The following NECTIN3 variants were observed in gnomAD, a reference collection of about 807,000 sequenced individuals.
NECTIN3 encodes nectin cell adhesion molecule 3.
A neutral mutation model predicts 49.4 loss-of-function variants in NECTIN3; 8 were observed. The ratio of observed to expected loss-of-function variants is 0.16; its 90% CI spans 0.10 to 0.29. NECTIN3 has a LOEUF of 0.29. NECTIN3 is among the 10% of genes least tolerant of loss of function. The pLI is 1.00. For missense variants in NECTIN3, 581 were observed against 654.6 expected, an observed-to-expected ratio of 0.89 and a Z score of 1.23; for synonymous variants, 277 against 241.1, an observed-to-expected ratio of 1.15 and a Z score of -1.38.
chr3:111,122,153 G>A lies in NECTIN3; in HGVS notation c.832G>A (p.Gly278Arg), dbSNP rs2033984014. The A allele has an allele frequency of 6.2e-7, 1 of 1,613,016 alleles. No individual in the cohort carries two copies. Among genetic ancestry groups the A allele is most frequent in the Non-Finnish European group, 8.5e-7 (1 of 1,179,338 alleles). ...APEVSVTGYD[G>R]NWFVGRKGVN... Reference sequence around the variant, plus strand: ...TGAAGTTTCGGTAACAGGATATGATGGAAATTGGTTTGTAGGAAGAAAAGG... The same window carrying A: ...TGAAGTTTCGGTAACAGGATATGATAGAAATTGGTTTGTAGGAAGAAAAGG... The change falls in exon 4 of 6, where the codon GGA becomes AGA. Residue 278 changes from glycine (G) to arginine (R), a missense_variant. Around this residue, in one of 3 missense-constraint regions of NECTIN3, gnomAD observed 234 missense variants for 340.6 expected, o/e 0.69. Transcript: ENST00000485303.
chr3:111,072,342 C>T, intron 1 of NECTIN3, 165 bp downstream of exon 1: 6 of 1,448,788 alleles, frequency 4.1e-6, no homozygotes, highest in Non-Finnish European at 4.5e-6. Flanking sequence ...CGGGGCGAGG[C>T]CCTGGAAGGG....
At chr3:111,143,303 A>G (rs2034795543) in intron 5 of NECTIN3, among the ~76,000 whole-genome samples, 1 of 151,914 alleles carries the variant, frequency 6.6e-6, no homozygotes, top group African/African-American at 2.4e-5. Flanking sequence ...GAAGGTCACC[A>G]TGAATGACAG....
rs2034611206 is a variant in NECTIN3 at position 111,137,224 on chromosome 3, A to G, written c.*3009A>G. 9 of 933,468 alleles carry G rather than the reference A, an allele frequency of 9.6e-6. No individual in the cohort carries two copies. In the South Asian group the frequency reaches 1.5e-4, roughly 15 times the overall value. 57.8% of individuals were successfully genotyped at this position (933,468 alleles called of 1,614,324 possible). On this transcript the variant is annotated 3_prime_UTR_variant, in exon 6 of 6. Transcript: ENST00000485303. ...AGAAGTTTATGTATGAAAGTAATCAATGTAAAATATAAGAAAGGAATAAAT... is the reference window on the plus strand; with the variant it reads ...AGAAGTTTATGTATGAAAGTAATCAGTGTAAAATATAAGAAAGGAATAAAT...
At chr3:111,083,045 C>T (rs1030168937) in intron 1 of NECTIN3, among the ~76,000 whole-genome samples, 2 of 152,082 alleles carry the variant, frequency 1.3e-5, no homozygotes, top group Non-Finnish European at 2.9e-5. Context: ...GTTGTAAATA[C>T]GGATGAGAGA....
intron 7 of NECTIN3, among the ~76,000 whole-genome samples, chr3:111,149,794 A>T (rs749106110): frequency 2.0e-5 from 3 of 150,734 alleles, no homozygotes; most frequent in South Asian, 2.1e-4. Context: ...GCATATTGTG[A>T]TTTTTCAGGG....
Position 111,103,318 on chromosome 3 carries a change from T to C in NECTIN3, c.161-8712T>C, listed in dbSNP as rs528384546. Among the ~76,000 whole-genome samples the C allele has an allele frequency of 1.0e-3, 159 of 152,260 alleles. 1 individual carries two copies. The highest frequency in any genetic ancestry group is 2.0e-3 in the Non-Finnish European group (138 of 68,000). On this transcript the variant is annotated intron_variant, in intron 1 of 5. Transcript: ENST00000485303. Reference sequence around the variant, plus strand: ...ATTTGATTTTCTCAGAATTGTATAGTTTTCTGCATATAGATCTTGTACATA... The same window carrying C: ...ATTTGATTTTCTCAGAATTGTATAGCTTTCTGCATATAGATCTTGTACATA...
At chr3:111,125,022 CTTT>C (rs869201432) in intron 4 of NECTIN3, among the ~76,000 whole-genome samples, 3,601 of 90,186 alleles carry the variant, frequency 0.04, 70 homozygotes, top group African/African-American at 0.15. Flanking sequence ...TCTTTTCTTT[CTTT>C]TTTTTTTTTT....
chr3:111,072,200 C>A (rs773387115), intron 1 of NECTIN3, 23 bp downstream of exon 1: 11 of 1,533,712 alleles, frequency 7.2e-6, no homozygotes, highest in Admixed American at 1.9e-5. Flanking sequence ...CGGCGGCCGG[C>A]GTGGGCTGAG....
chr3:111,137,097 G>A lies in NECTIN3; in HGVS notation c.*2882G>A, dbSNP rs1309844658. On this transcript the variant is annotated 3_prime_UTR_variant, in exon 6 of 6. Transcript: ENST00000485303. ...CATTAAGGAGCTGTAGGAGTACAGTGTATAAGTACAGAAATTGAGAGAAAT... is the reference window on the plus strand; with the variant it reads ...CATTAAGGAGCTGTAGGAGTACAGTATATAAGTACAGAAATTGAGAGAAAT... 1.5e-5 allele frequency: 15 copies of A among 983,096 alleles called. No individual in the cohort carries two copies. In the East Asian group the frequency reaches 1.4e-3, roughly 89 times the overall value. 60.9% of individuals were successfully genotyped at this position (983,096 alleles called of 1,614,324 possible). A position where few individuals can be genotyped will look rare whatever the true frequency, so the allele number is the denominator to read the frequency against.
chr3:111,148,852 C>T (rs904612504), intron 7 of NECTIN3, among the ~76,000 whole-genome samples: 12 of 151,778 alleles, frequency 7.9e-5, no homozygotes, highest in Non-Finnish European at 1.3e-4. Context: ...GAAAATTGTA[C>T]GTTTTTATGT....
chr3:111,073,159 G>A (rs1393403156), intron 1 of NECTIN3, among the ~76,000 whole-genome samples: 1 of 152,154 alleles, frequency 6.6e-6, no homozygotes, highest in Non-Finnish European at 1.5e-5. Flanking sequence ...AACACTGCGA[G>A]TAGTTATTTA....
At chr3:111,113,814 T>C (rs1261049314) in intron 2 of NECTIN3, among the ~76,000 whole-genome samples, 5 of 151,892 alleles carry the variant, frequency 3.3e-5, no homozygotes, top group Admixed American at 1.3e-4. Flanking sequence ...CAAAACCCCA[T>C]CTCTACTAAA....
At chr3:111,072,406 G>C (rs953479942) in intron 1 of NECTIN3, 3 of 1,520,100 alleles carry the variant, frequency 2.0e-6, no homozygotes, top group African/African-American at 2.8e-5. Flanking sequence ...GCGGCCGCGC[G>C]GGTCGCCGTG....
intron 1 of NECTIN3, among the ~76,000 whole-genome samples, chr3:111,078,834 T>A (rs2031411980): frequency 1.3e-5 from 2 of 152,166 alleles, no homozygotes; most frequent in African/African-American, 4.8e-5. Flanking sequence ...AGAATAGTAG[T>A]CTTCTGCTTT....
Position 111,134,412 on chromosome 3 carries a change from C to A in NECTIN3, c.*197C>A. ...TCTAAGCTGCTTTACAATTTTTTTT[C>A]AATGCTGTACTACTGTCTCAAGATT... On this transcript the variant is annotated 3_prime_UTR_variant, in exon 6 of 6. Coordinates refer to ENST00000485303, the MANE Select transcript of NECTIN3 (RefSeq NM_015480.3). 1 of 1,310,638 alleles carries A rather than the reference C, an allele frequency of 7.6e-7. No individual in the cohort carries two copies. The highest frequency in any genetic ancestry group is 9.7e-7 in the Non-Finnish European group (1 of 1,031,146). 81.2% of individuals were successfully genotyped at this position (1,310,638 alleles called of 1,614,324 possible). A position where few individuals can be genotyped will look rare whatever the true frequency, so the allele number is the denominator to read the frequency against.
intron 1 of NECTIN3, among the ~76,000 whole-genome samples, chr3:111,104,910 G>A (rs1029475885): frequency 7.2e-5 from 11 of 152,028 alleles, no homozygotes; most frequent in African/African-American, 2.7e-4. Flanking sequence ...AATAAAGATG[G>A]GAATTTGATT....
rs774722213 is a variant in NECTIN3, at chr3:111,133,786, T to C, written c.1221T>C (p.Ala407=). 4 of 1,613,986 alleles carry C rather than the reference T, an allele frequency of 2.5e-6. No individual in the cohort carries two copies. The highest frequency in any genetic ancestry group is 3.4e-6 in the Non-Finnish European group (4 of 1,179,878). The change falls in exon 6 of 6, where the codon GCT becomes GCC. Residue 407 remains alanine, a synonymous_variant. Coordinates refer to ENST00000485303, the MANE Select transcript of NECTIN3 (RefSeq NM_015480.3). ...IKDDTIATII[A]SVVGGALFIV... ...ATGACACAATTGCCACGATCATTGC[T>C]AGTGTAGTGGGTGGGGCTCTCTTCA...
intron 5 of NECTIN3, among the ~76,000 whole-genome samples, chr3:111,132,635 G>C (rs1198636000): frequency 2.0e-5 from 3 of 151,734 alleles, no homozygotes; most frequent in Non-Finnish European, 4.4e-5. Flanking sequence ...TGCTATTTAT[G>C]TTTAGTTGCT....
chr3:111,124,371 A>G (rs1481379455), intron 4 of NECTIN3, among the ~76,000 whole-genome samples: 1 of 152,198 alleles, frequency 6.6e-6, no homozygotes, highest in Non-Finnish European at 1.5e-5. Context: ...GGCATAGAAG[A>G]TGCTTTTGTT....
Sources: allele counts gnomAD v4.1 joint callset (sites outside exome capture counted in the v4.1 genomes callset), GRCh38; gene constraint gnomAD v4.1.1; regional missense constraint gnomAD v4.1.1; transcripts MANE v1.5; gene names NCBI Gene and HGNC (gene_info 2026-07-23, HGNC 2026-07-21).